DGKG: variants seen among roughly 807,000 people sequenced by gnomAD.
DGKG encodes DAG kinase gamma.
A neutral mutation model predicts 105.3 loss-of-function variants in DGKG; 78 were observed. The ratio of observed to expected loss-of-function variants is 0.74; its 90% CI spans 0.62 to 0.89. The LOEUF (loss-of-function observed/expected upper bound fraction) is 0.89. DGKG is among the 40% of genes least tolerant of loss of function. DGKG has a pLI of 0.00. For missense variants in DGKG, 958 were observed against 1,020.1 expected, an observed-to-expected ratio of 0.94 and a Z score of 0.83; for synonymous variants, 346 against 367.1, an observed-to-expected ratio of 0.94 and a Z score of 0.66.
chr3:186,224,043 C>T (rs902949293), intron 20 of DGKG, among the ~76,000 whole-genome samples: 1 of 152,244 alleles, frequency 6.6e-6, no homozygotes, highest in South Asian at 2.1e-4. Flanking sequence ...ACCTTAGCCA[C>T]GCCTCTTATT....
intron 11 of DGKG, 60 bp downstream of exon 11, chr3:186,272,195 T>C (rs1353361761): frequency 4.5e-6 from 6 of 1,341,708 alleles, no homozygotes; most frequent in Non-Finnish European, 6.4e-6. Context: ...GGAATCCATG[T>C]TGATGGACAT....
intron 3 of DGKG, among the ~76,000 whole-genome samples, chr3:186,304,759 T>A (rs1161775349): frequency 6.6e-6 from 1 of 152,202 alleles, no homozygotes; most frequent in Admixed American, 6.5e-5. Context: ...TTTTTTGTTA[T>A]GTACAGTTTA....
At chr3:186,305,194 A>G (rs1237588284) in intron 3 of DGKG, among the ~76,000 whole-genome samples, 2 of 152,210 alleles carry the variant, frequency 1.3e-5, no homozygotes, top group East Asian at 1.9e-4. Context: ...TAGGAGGAAA[A>G]TAATGCAGAG....
chr3:186,351,815 T>C (rs1224485730), intron 1 of DGKG, among the ~76,000 whole-genome samples: 1 of 152,258 alleles, frequency 6.6e-6, no homozygotes, highest in Admixed American at 6.5e-5. Context: ...AGATCCAGTT[T>C]CGGTTCTGAC....
intron 2 of DGKG, among the ~76,000 whole-genome samples, chr3:186,320,141 T>C (rs1287163401): frequency 6.6e-6 from 1 of 152,232 alleles, no homozygotes; most frequent in Non-Finnish European, 1.5e-5. Context: ...GTGTTGTCAG[T>C]GATTTTTAAC....
In DGKG at chr3:186,148,742, T is replaced by C; in HGVS notation, c.*1348A>G. ...CAGCCCAGCAGGTCTTTCATGCTTG[T>C]TTTGAGGATCCAGAATAGGAGTTCT... On this transcript the variant is annotated 3_prime_UTR_variant, in exon 25 of 25. Coordinates refer to ENST00000265022, the MANE Select transcript of DGKG (RefSeq NM_001346.3). 1.0e-6 allele frequency: 1 copy of C among 985,338 alleles called. No individual in the cohort carries two copies. Among genetic ancestry groups the C allele is most frequent in the Non-Finnish European group, 1.2e-6 (1 of 829,804 alleles). 61.0% of individuals were successfully genotyped at this position (985,338 alleles called of 1,614,324 possible). A position where few individuals can be genotyped will look rare whatever the true frequency, so the allele number is the denominator to read the frequency against.
chr3:186,348,367 C>CTTTT (rs1303442403), intron 1 of DGKG, among the ~76,000 whole-genome samples: 1 of 48,272 alleles, frequency 2.1e-5, no homozygotes, highest in Non-Finnish European at 4.1e-5. Flanking sequence ...TTGCTGGGTG[C>CTTTT]TTTTTTTTTT....
intron 1 of DGKG, among the ~76,000 whole-genome samples, chr3:186,331,750 G>A (rs749240057): frequency 4.6e-5 from 7 of 152,162 alleles, no homozygotes; most frequent in African/African-American, 1.7e-4. Flanking sequence ...TAGCTCAGGG[G>A]CATCACAATC....
rs561900579 is a variant in DGKG, at chr3:186,149,646, T to C, written c.*444A>G. 8 of 989,006 alleles carry C rather than the reference T, an allele frequency of 8.1e-6. No individual in the cohort carries two copies. The African/African-American group carries it at 1.2e-4, about 15-fold the overall frequency. 61.3% of individuals were successfully genotyped at this position (989,006 alleles called of 1,614,324 possible). On this transcript the variant is annotated 3_prime_UTR_variant, in exon 25 of 25. Coordinates refer to ENST00000265022, the MANE Select transcript of DGKG (RefSeq NM_001346.3). ...TACAGAGGGAACTTTGTGCAAATTC[T>C]CTGGAACCAGAGCTCCTTCCCTTGG... is the stretch of plus-strand genomic sequence containing the variant.
chr3:186,174,582 TC>T (rs1404037143), intron 22 of DGKG, among the ~76,000 whole-genome samples: 1 of 152,160 alleles, frequency 6.6e-6, no homozygotes, highest in African/African-American at 2.4e-5. Context: ...TCCTTTTTTT[TC>T]TTTTTACTCC....
intron 9 of DGKG, among the ~76,000 whole-genome samples, chr3:186,275,989 T>C (rs1222814855): frequency 7.4e-6 from 1 of 135,230 alleles, no homozygotes; most frequent in Non-Finnish European, 1.7e-5. Flanking sequence ...TCTATCTATC[T>C]ATCTATTATC....
intron 20 of DGKG, among the ~76,000 whole-genome samples, chr3:186,237,210 T>C (rs1164421461): frequency 1.3e-5 from 2 of 151,916 alleles, no homozygotes; most frequent in African/African-American, 4.9e-5. Context: ...CTGTGACTAC[T>C]GGCAAAAGTG....
At chr3:186,295,923 A>C (rs1250088611) in intron 5 of DGKG, among the ~76,000 whole-genome samples, 1 of 152,134 alleles carries the variant, frequency 6.6e-6, no homozygotes, top group Non-Finnish European at 1.5e-5. Flanking sequence ...CCTGGCCAAG[A>C]TGGCAAAACC....
chr3:186,287,893 T>G (rs914613677), intron 6 of DGKG, among the ~76,000 whole-genome samples: 1 of 152,170 alleles, frequency 6.6e-6, no homozygotes, highest in African/African-American at 2.4e-5. Context: ...AACATGTACA[T>G]TTTTTTCCCC....
intron 19 of DGKG, among the ~76,000 whole-genome samples, chr3:186,251,113 G>GA (rs1158912660): frequency 6.6e-6 from 1 of 152,020 alleles, no homozygotes; most frequent in African/African-American, 2.4e-5. Flanking sequence ...ATGGCAGTGG[G>GA]GGGCACCAGA....
chr3:186,298,422 G>A (rs1723703832), intron 3 of DGKG, among the ~76,000 whole-genome samples, 193 bp from the exon 4 acceptor site: 1 of 152,228 alleles, frequency 6.6e-6, no homozygotes, highest in Admixed American at 6.5e-5. Flanking sequence ...GGGTGCAGGG[G>A]ATGGGTGTAA....
In DGKG at chr3:186,304,917, G is replaced by A. The variant is rs553714156; in HGVS notation, c.144+1984C>T. ...GCCAGTAGGAAGTAAGTCCTGGAGGGCAGGAACTGTGCTTCTATATTTTTA... is the reference window on the plus strand; with the variant it reads ...GCCAGTAGGAAGTAAGTCCTGGAGGACAGGAACTGTGCTTCTATATTTTTA... On this transcript the variant is annotated intron_variant, in intron 3 of 24. Transcript: ENST00000265022. Among the ~76,000 whole-genome samples the A allele has an allele frequency of 7.2e-5, 11 of 152,310 alleles. No homozygotes were observed. In the South Asian group the frequency reaches 1.9e-3, roughly 26 times the overall value.
intron 1 of DGKG, among the ~76,000 whole-genome samples, chr3:186,332,395 G>T (rs779375773): frequency 5.9e-5 from 9 of 152,162 alleles, no homozygotes; most frequent in Admixed American, 4.6e-4. Flanking sequence ...AAGGAAGCAG[G>T]GTTGTGAATA....
intron 16 of DGKG, among the ~76,000 whole-genome samples, chr3:186,260,024 C>G (rs556672157): frequency 6.6e-6 from 1 of 152,314 alleles, no homozygotes; most frequent in African/African-American, 2.4e-5. Flanking sequence ...AACTCTGAGT[C>G]ACTGTCTAGA....
Sources: allele counts gnomAD v4.1 joint callset (sites outside exome capture counted in the v4.1 genomes callset), GRCh38; gene constraint gnomAD v4.1.1; transcripts MANE v1.5; gene names NCBI Gene and HGNC (gene_info 2026-07-23, HGNC 2026-07-21).